IQSEC1: variants seen among roughly 807,000 people sequenced by gnomAD.
The protein encoded by IQSEC1 is IQ motif and Sec7 domain ArfGEF 1.
A neutral mutation model predicts 91.0 loss-of-function variants in IQSEC1; 31 were observed. The ratio of observed to expected loss-of-function variants is 0.34; its 90% CI spans 0.26 to 0.46. The LOEUF is 0.46. Ranked by LOEUF, IQSEC1 falls within the 20% of genes least tolerant of loss-of-function variation. The probability of loss-of-function intolerance (pLI) is 1.00; values close to 1 mark genes in which losing one functional copy is unlikely to be tolerated. For synonymous variants in IQSEC1, 699 were observed against 662.6 expected, an observed-to-expected ratio of 1.05 and a Z score of -0.84; for missense variants, 1,388 against 1,575.6, an observed-to-expected ratio of 0.88 and a Z score of 2.02.
chr3:13,167,097 G>C (rs1048223107), intron 1 of IQSEC1, among the ~76,000 whole-genome samples: 2 of 152,202 alleles, frequency 1.3e-5, no homozygotes, highest in Non-Finnish European at 2.9e-5. Context: ...GTGTGTGTGT[G>C]CCTATGATTA....
chr3:13,131,654 C>T (rs1220262575), intron 2 of IQSEC1, among the ~76,000 whole-genome samples: 3 of 151,786 alleles, frequency 2.0e-5, no homozygotes, highest in African/African-American at 7.3e-5. Flanking sequence ...ATGTGGCTAA[C>T]TTTTGTATTT....
chr3:13,012,216 G>A (rs958830137), intron 1 of IQSEC1, among the ~76,000 whole-genome samples: 4 of 152,174 alleles, frequency 2.6e-5, no homozygotes, highest in African/African-American at 9.7e-5. Flanking sequence ...GTTCAGCCAG[G>A]ACTTCCAAGA....
chr3:12,915,231 T>A, intron 7 of IQSEC1, 98 bp from the exon 8 acceptor site: 1 of 1,332,562 alleles, frequency 7.5e-7, no homozygotes, highest in Non-Finnish European at 1.1e-6. Flanking sequence ...ACCCTTGGGA[T>A]CCACCCAGCC....
intron 1 of IQSEC1, among the ~76,000 whole-genome samples, chr3:12,956,059 C>T (rs1254717773): frequency 6.6e-6 from 1 of 152,154 alleles, no homozygotes; most frequent in Non-Finnish European, 1.5e-5. Flanking sequence ...GGGGACCTGA[C>T]CACCCTGGGT....
At position 12,911,670 on chromosome 3, in the gene IQSEC1, A is replaced by G. The variant is rs1468300503; in HGVS notation, c.2375T>C (p.Phe792Ser). ...NSVTYSFRQS[F>S]SLYGMQVLLF... The stretch of plus-strand genomic sequence containing the variant: ...CAGGACCTGCATGCCGTACAAGGAG[A>G]AGGACTGTCGGAAGCTGTACGTCAC... Residue 792 changes from phenylalanine (F) to serine (S), a missense_variant, in exon 10 of 14, where the codon TTC becomes TCC. Coordinates refer to ENST00000613206, the MANE Select transcript of IQSEC1 (RefSeq NM_001134382.3). 2.5e-6 allele frequency: 4 copies of G among 1,613,930 alleles called. No individual in the cohort carries two copies. The highest frequency in any genetic ancestry group is 3.3e-5 in the Admixed American group (2 of 60,018).
chr3:13,107,047 G>A (rs1706163002), intron 2 of IQSEC1, among the ~76,000 whole-genome samples: 1 of 152,194 alleles, frequency 6.6e-6, no homozygotes, highest in South Asian at 2.1e-4. Context: ...CAGTGAACTT[G>A]TGAGACACCA....
intron 1 of IQSEC1, among the ~76,000 whole-genome samples, chr3:13,276,565 G>A (rs1398567415): frequency 2.6e-5 from 4 of 152,144 alleles, no homozygotes; most frequent in Non-Finnish European, 5.9e-5. Flanking sequence ...CCAAGCAGCA[G>A]GGAAGTGGCT....
At chr3:13,251,020 G>A (rs776294471) in intron 1 of IQSEC1, among the ~76,000 whole-genome samples, 1 of 152,210 alleles carries the variant, frequency 6.6e-6, no homozygotes, top group Non-Finnish European at 1.5e-5. Flanking sequence ...GTGAACTGCT[G>A]CTCCTTGACT....
chr3:13,108,573 AC>A (rs1254950140), intron 2 of IQSEC1, among the ~76,000 whole-genome samples: 1 of 150,884 alleles, frequency 6.6e-6, no homozygotes, highest in African/African-American at 2.4e-5. Flanking sequence ...TTGACGAAAC[AC>A]CCCCCTACAT....
At chr3:13,145,010 G>A (rs901140616) in intron 2 of IQSEC1, among the ~76,000 whole-genome samples, 1 of 152,206 alleles carries the variant, frequency 6.6e-6, no homozygotes, top group African/African-American at 2.4e-5. Flanking sequence ...AGTGTTCACA[G>A]ACCCAAAACA....
chr3:12,955,798 T>C (rs983477208), intron 1 of IQSEC1, among the ~76,000 whole-genome samples: 4 of 151,510 alleles, frequency 2.6e-5, no homozygotes, highest in African/African-American at 9.7e-5. Context: ...CCTGGGAGAG[T>C]TGGTCAGGAG....
rs1313968269 is a variant in IQSEC1 at position 13,282,051 on chromosome 3, G to A, written c.272+660C>T. 2.6e-5 allele frequency among the ~76,000 whole-genome samples: 4 copies of A among 152,144 alleles called. No individual in the cohort carries two copies. Among genetic ancestry groups the A allele is most frequent in the African/African-American group, 9.7e-5 (4 of 41,444 alleles). The stretch of plus-strand genomic sequence containing the variant: ...AGCCGGTAGGGACGCTGGGGTCCAG[G>A]GCTGCTGGACAGCCCCGCCCTGTAC... On this transcript the variant is annotated intron_variant, in intron 1 of 15. Transcript: ENST00000648114. The surrounding 1 kb of genome is among the most constrained non-coding windows in gnomAD (Gnocchi z 6.4).
chr3:13,254,837 G>A (rs151256742), intron 1 of IQSEC1, among the ~76,000 whole-genome samples: 4 of 152,264 alleles, frequency 2.6e-5, no homozygotes, highest in African/African-American at 9.6e-5. Flanking sequence ...TGAGGAAACC[G>A]AGGCCCAGGG....
intron 10 of IQSEC1, among the ~76,000 whole-genome samples, chr3:12,910,788 G>A (rs1426532947): frequency 6.6e-6 from 1 of 152,204 alleles, no homozygotes; most frequent in East Asian, 1.9e-4. Flanking sequence ...TCCGCAGATG[G>A]AAGGCTGATT....
intron 1 of IQSEC1, among the ~76,000 whole-genome samples, chr3:12,993,878 G>A (rs1383201001): frequency 1.3e-5 from 2 of 152,016 alleles, no homozygotes; most frequent in African/African-American, 2.4e-5. Context: ...TCCGAGACCC[G>A]CTCCGCGAAG....
intron 1 of IQSEC1, among the ~76,000 whole-genome samples, chr3:13,202,682 T>C (rs1191939491): frequency 6.6e-6 from 1 of 151,742 alleles, no homozygotes; most frequent in Non-Finnish European, 1.5e-5. Context: ...TGTGGGAAAA[T>C]GAAAAGTTCT....
Position 13,245,916 on chromosome 3 carries a change from G to A in IQSEC1, c.272+36795C>T, listed in dbSNP as rs911127054. ...AACACACCCTTTGTGGCACACTGCCGGGGAACCCAAACCGAGACACCTCTA... is the reference window on the plus strand; with the variant it reads ...AACACACCCTTTGTGGCACACTGCCAGGGAACCCAAACCGAGACACCTCTA... On this transcript the variant is annotated intron_variant, in intron 1 of 15. Coordinates refer to the IQSEC1 transcript ENST00000648114. Among the ~76,000 whole-genome samples, 8 of 152,214 alleles carry A rather than the reference G, an allele frequency of 5.3e-5. No homozygotes were observed. In the South Asian group the frequency reaches 1.0e-3, roughly 20 times the overall value.
chr3:12,951,154 G>A (rs1290683649), intron 1 of IQSEC1, among the ~76,000 whole-genome samples: 2 of 152,208 alleles, frequency 1.3e-5, no homozygotes, highest in South Asian at 2.1e-4. Flanking sequence ...TGGGCATGGC[G>A]GCTAACGCCT....
intron 1 of IQSEC1, among the ~76,000 whole-genome samples, chr3:13,247,329 T>A (rs912854923): frequency 6.6e-6 from 1 of 152,122 alleles, no homozygotes; most frequent in African/African-American, 2.4e-5. Flanking sequence ...AACATGACAA[T>A]CTGAAAGTCT....
Sources: allele counts gnomAD v4.1 joint callset (sites outside exome capture counted in the v4.1 genomes callset), GRCh38; gene constraint gnomAD v4.1.1; non-coding constraint Gnocchi (gnomAD v3.1); transcripts MANE v1.5; gene names NCBI Gene and HGNC (gene_info 2026-07-23, HGNC 2026-07-21).